WDR76: variants seen among roughly 807,000 people sequenced by gnomAD.
WDR76 encodes WD repeat domain 76, also known as WD repeat-containing protein 76.
A neutral mutation model predicts 70.2 loss-of-function variants in WDR76; 52 were observed. The ratio of observed to expected loss-of-function variants is 0.74; its 90% confidence interval spans 0.59 to 0.93. The LOEUF (loss-of-function observed/expected upper bound fraction) is 0.93, where lower values mean the gene tolerates loss of function less well. WDR76 is among the 40% of genes least tolerant of loss of function. The probability of loss-of-function intolerance (pLI) is 0.00; values close to 1 mark genes in which losing one functional copy is unlikely to be tolerated. For missense variants in WDR76, 756 were observed against 760.2 expected (o/e 0.99, Z 0.07); for synonymous variants, 292 against 271.1 (o/e 1.08, Z -0.76).
chr15:43,855,406 C>G (rs957645603), intron 9 of WDR76, among the ~76,000 whole-genome samples: 1 of 152,114 alleles, frequency 6.6e-6, no homozygotes, highest in African/African-American at 2.4e-5. Flanking sequence ...ACTCCAAAGC[C>G]CCTGCTCTTA....
chr15:43,836,898 G>A (rs542202718), intron 4 of WDR76, among the ~76,000 whole-genome samples: 4 of 151,662 alleles, frequency 2.6e-5, no homozygotes, highest in South Asian at 2.1e-4. Context: ...AAAATTAGCC[G>A]GGTGTGGTGG....
chr15:43,855,124 T>C (rs367851883), intron 9 of WDR76, among the ~76,000 whole-genome samples: 7 of 152,346 alleles, frequency 4.6e-5, no homozygotes, highest in East Asian at 1.9e-4. Flanking sequence ...TTGTAGACTT[T>C]TGTTTCTGGC....
chr15:43,831,541 C>T (rs2087588464), intron 2 of WDR76, among the ~76,000 whole-genome samples: 2 of 151,914 alleles, frequency 1.3e-5, no homozygotes, highest in Non-Finnish European at 1.5e-5. Context: ...CAGGTTCAAG[C>T]GATTCTCCCA....
intron 2 of WDR76, among the ~76,000 whole-genome samples, chr15:43,833,889 C>T (rs966335823): frequency 6.6e-6 from 1 of 152,156 alleles, no homozygotes; most frequent in Non-Finnish European, 1.5e-5. Flanking sequence ...CCTGCCTCGG[C>T]CTCTCAAAGT....
intron 11 of WDR76, 84 bp downstream of exon 11, chr15:43,858,907 G>C: frequency 6.8e-7 from 1 of 1,480,150 alleles, no homozygotes; most frequent in Non-Finnish European, 9.1e-7. Flanking sequence ...TTTGTTTACT[G>C]CTGTTCCCTA....
intron 5 of WDR76, among the ~76,000 whole-genome samples, chr15:43,840,598 G>A (rs1309872950): frequency 6.6e-6 from 1 of 152,164 alleles, no homozygotes; most frequent in Non-Finnish European, 1.5e-5. Flanking sequence ...TTAGGCTGGT[G>A]TTTTGGGAGC....
At chr15:43,844,705 C>G (rs1415745921) in intron 8 of WDR76, among the ~76,000 whole-genome samples, 1 of 150,826 alleles carries the variant, frequency 6.6e-6, no homozygotes, top group Non-Finnish European at 1.5e-5. Context: ...GTCAGGAGAT[C>G]GAGACCGTCC....
rs770545361 is a variant in WDR76, at chr15:43,851,160, C to T, written c.1106C>T (p.Ser369Leu). ...HSQPVSCLYF[S>L]PANPAHILSL... ...CAGCCAGTTAGCTGTCTTTACTTCT[C>T]ACCCGCCAATCCGGCCCACATACTG... The change falls in exon 9 of 13, where the codon TCA (serine) becomes TTA (leucine). Residue 369 changes from serine to leucine, a missense_variant. By Grantham distance (145) the Ser-to-Leu change is moderately radical. Coordinates refer to ENST00000263795, the MANE Select transcript of WDR76 (RefSeq NM_024908.4). The T allele has an allele frequency of 1.9e-6, 3 of 1,614,178 alleles. No homozygotes were observed. Among genetic ancestry groups the T allele is most frequent in the Admixed American group, 3.3e-5 (2 of 60,020 alleles).
Position 43,842,611 on chromosome 15 carries a change from C to G in WDR76, c.835-17C>G, listed in dbSNP as rs115179274. On this transcript the variant is annotated splice_polypyrimidine_tract_variant and intron_variant, in intron 6 of 12. Coordinates refer to ENST00000263795, the MANE Select transcript of WDR76 (RefSeq NM_024908.4). ...ATACATACTAACTTAGTTCTTTCAT[C>G]TCTCCCAATGTTTCAGCCAAGTAGT... 2.5e-6 allele frequency: 4 copies of G among 1,607,072 alleles called. No homozygotes were observed. Among genetic ancestry groups the G allele is most frequent in the Non-Finnish European group, 3.4e-6 (4 of 1,177,474 alleles).
chr15:43,862,279 T>TTC (rs1209347966), intron 12 of WDR76, among the ~76,000 whole-genome samples: 2 of 104,956 alleles, frequency 1.9e-5, no homozygotes, highest in East Asian at 5.9e-4. Flanking sequence ...TCAGTTTCTT[T>TTC]TTTTTTTTTT....
At chr15:43,835,308 C>T (rs999079244) in intron 3 of WDR76, among the ~76,000 whole-genome samples, 158 bp downstream of exon 3, 26 of 136,990 alleles carry the variant, frequency 1.9e-4, no homozygotes, top group Admixed American at 1.6e-3. Context: ...CCCCGCCCCC[C>T]GCCCCCCACC....
rs145736968 is a variant in WDR76, at chr15:43,837,827, C to G, written c.608+1611C>G. On this transcript the variant is annotated intron_variant, in intron 4 of 12. Transcript: ENST00000263795. ...CCATATATACCCCTCCCTCCCGATA[C>G]AACCACTATGCTGAATTTTGTGGTA... is the stretch of plus-strand genomic sequence containing the variant. Among the ~76,000 whole-genome samples, 3 of 151,786 alleles carry G rather than the reference C, an allele frequency of 2.0e-5. No individual in the cohort carries two copies. The East Asian group carries it at 5.8e-4, about 29-fold the overall frequency.
intron 9 of WDR76, 119 bp from the exon 10 acceptor site, chr15:43,856,825 TGA>T: frequency 1.3e-6 from 1 of 797,772 alleles, no homozygotes; most frequent in Non-Finnish European, 2.0e-6. Flanking sequence ...ATGGGGATGA[TGA>T]GAGGATAAAT....
In WDR76 at chr15:43,827,016, C is replaced by T; in HGVS notation, c.-17C>T. The T allele has an allele frequency of 6.2e-7, 1 of 1,613,236 alleles. No individual in the cohort carries two copies. Among genetic ancestry groups the T allele is most frequent in the Non-Finnish European group, 8.5e-7 (1 of 1,179,886 alleles). On this transcript the variant is annotated 5_prime_UTR_variant, in exon 1 of 13. Coordinates refer to ENST00000263795, the MANE Select transcript of WDR76 (RefSeq NM_024908.4). ...GCAATCTTGGCGGGAAGGCGCCGGC[C>T]GCTAAGAAGCCGAAAGATGTCCAGG...
chr15:43,829,797 C>T (rs1283038602), intron 2 of WDR76, among the ~76,000 whole-genome samples: 2 of 151,870 alleles, frequency 1.3e-5, no homozygotes, highest in South Asian at 2.1e-4. Context: ...TGAGCCACCG[C>T]GCCTGGCCTA....
chr15:43,844,146 G>C (rs569599018), intron 8 of WDR76, 92 bp downstream of exon 8: 1 of 1,199,816 alleles, frequency 8.3e-7, no homozygotes, highest in East Asian at 2.7e-5. Flanking sequence ...TATAAATGTT[G>C]CGTGAGACTT....
At chr15:43,863,805 C>A (rs577373073) in intron 12 of WDR76, 2 of 152,248 alleles carry the variant, frequency 1.3e-5, no homozygotes, top group Non-Finnish European at 2.9e-5. Flanking sequence ...CCGATCCTCC[C>A]ACGTGGGCCT....
At position 43,828,297 on chromosome 15, in the gene WDR76, G is replaced by T; in HGVS notation, c.393G>T (p.Ala131=). 1.9e-6 allele frequency: 3 copies of T among 1,614,130 alleles called. No homozygotes were observed. Among genetic ancestry groups the T allele is most frequent in the Non-Finnish European group, 2.5e-6 (3 of 1,180,036 alleles). The change falls in exon 2 of 13, where the codon GCG becomes GCT. Residue 131 remains alanine (A), a synonymous_variant. Coordinates refer to ENST00000263795, the MANE Select transcript of WDR76 (RefSeq NM_024908.4). ...NKLQPKRTAD[A]MNLSVDVESS... ...TACAACCCAAGAGAACGGCAGATGC[G>T]ATGAATCTCAGTGTTGATGTGGAAA...
At chr15:43,859,984 C>T (rs145081703) in intron 11 of WDR76, among the ~76,000 whole-genome samples, 2 of 152,308 alleles carry the variant, frequency 1.3e-5, no homozygotes, top group East Asian at 3.9e-4. Flanking sequence ...GGTGCAGTGG[C>T]TTAGGCCTAT....
Sources: allele counts gnomAD v4.1 joint callset (sites outside exome capture counted in the v4.1 genomes callset), GRCh38; gene constraint gnomAD v4.1.1; transcripts MANE v1.5; gene names NCBI Gene and HGNC (gene_info 2026-07-23, HGNC 2026-07-21).